The following FMN1 variants were observed in gnomAD, a reference collection of about 807,000 sequenced individuals.
FMN1 encodes the protein formin-1.
In FMN1, 110 loss-of-function variants were observed where a neutral mutation model predicts 132.4. That is an observed-to-expected ratio of 0.83 (90% CI 0.71 to 0.97). The LOEUF (loss-of-function observed/expected upper bound fraction) is 0.97, where lower values mean the gene tolerates loss of function less well. FMN1 is among the 50% of genes least tolerant of loss of function. The pLI is 0.00. For synonymous variants in FMN1, 722 were observed against 651.7 expected (o/e 1.11, Z -1.64); for missense variants, 1,792 against 1,705.3 (o/e 1.05, Z -0.90).
chr15:32,933,728 TAG>T (rs2061183337), intron 9 of FMN1, among the ~76,000 whole-genome samples: 1 of 152,188 alleles, frequency 6.6e-6, no homozygotes, highest in Admixed American at 6.5e-5. Flanking sequence ...TTTCTTTTGT[TAG>T]AGTTTTTGAC....
intron 7 of FMN1, among the ~76,000 whole-genome samples, chr15:32,978,926 T>C (rs2923053): frequency 0.53 from 80,288 of 152,036 alleles, 22,549 homozygotes; most frequent in East Asian, 0.77. Flanking sequence ...GTCAATTATA[T>C]AGAATTATCA....
intron 19 of FMN1, among the ~76,000 whole-genome samples, chr15:32,795,144 A>G (rs1459112269): frequency 6.6e-6 from 1 of 152,206 alleles, no homozygotes; most frequent in Non-Finnish European, 1.5e-5. Flanking sequence ...AGGCTGCAGT[A>G]AGCTATGATT....
intron 2 of FMN1, among the ~76,000 whole-genome samples, chr15:33,191,838 A>C (rs1463119738): frequency 6.6e-6 from 1 of 152,216 alleles, no homozygotes; most frequent in Non-Finnish European, 1.5e-5. Flanking sequence ...GCTGCAGGAG[A>C]ATACAATTCC....
intron 6 of FMN1, among the ~76,000 whole-genome samples, chr15:33,022,496 A>C (rs954655623): frequency 1.1e-4 from 17 of 152,262 alleles, no homozygotes; most frequent in Admixed American, 1.1e-3. Context: ...TTACTAAAAA[A>C]GTTAAAAGTG....
At chr15:32,951,169 A>AT (rs2061644418) in intron 9 of FMN1, among the ~76,000 whole-genome samples, 1 of 152,178 alleles carries the variant, frequency 6.6e-6, no homozygotes, top group Non-Finnish European at 1.5e-5. Flanking sequence ...ATGTTTATTT[A>AT]TTTATAGACT....
chr15:32,860,065 G>A (rs1013993156), intron 16 of FMN1, among the ~76,000 whole-genome samples: 1 of 148,268 alleles, frequency 6.7e-6, no homozygotes. Flanking sequence ...ATGAAAGGAG[G>A]AAAGAAAGGC....
At chr15:33,125,336 A>T (rs936778356) in intron 4 of FMN1, among the ~76,000 whole-genome samples, 11 of 152,218 alleles carry the variant, frequency 7.2e-5, no homozygotes, top group Non-Finnish European at 1.5e-5. Context: ...AGCAATCATC[A>T]TTTAGGAAAA....
intron 7 of FMN1, among the ~76,000 whole-genome samples, chr15:33,001,587 C>T: frequency 7.2e-6 from 1 of 139,682 alleles, no homozygotes; most frequent in South Asian, 2.5e-4. Context: ...CTCCCCCCAT[C>T]CTCCTCCTCC....
At chr15:32,782,462 AAG>A (rs1440824932) in intron 19 of FMN1, among the ~76,000 whole-genome samples, 1 of 152,208 alleles carries the variant, frequency 6.6e-6, no homozygotes, top group Non-Finnish European at 1.5e-5. Flanking sequence ...GGAAAAAGAA[AAG>A]ATACTCAAGG....
chr15:32,897,987 G>T (rs555353827), intron 15 of FMN1, among the ~76,000 whole-genome samples: 2 of 152,244 alleles, frequency 1.3e-5, no homozygotes, highest in Non-Finnish European at 2.9e-5. Context: ...TTGGGGGGCG[G>T]GGAAACGATG....
At chr15:32,783,980 TTCAG>T (rs1172957488) in intron 19 of FMN1, among the ~76,000 whole-genome samples, 1 of 152,134 alleles carries the variant, frequency 6.6e-6, no homozygotes, top group African/African-American at 2.4e-5. Flanking sequence ...TCTTTTGACA[TTCAG>T]TATTTCACTG....
At chr15:33,180,886 AT>A in intron 2 of FMN1, among the ~76,000 whole-genome samples, 1 of 151,662 alleles carries the variant, frequency 6.6e-6, no homozygotes, top group African/African-American at 2.4e-5. Flanking sequence ...AGTAGCTGGG[AT>A]TACAGGCCAA....
At chr15:32,832,053 G>A (rs1162234050) in intron 17 of FMN1, among the ~76,000 whole-genome samples, 1 of 152,112 alleles carries the variant, frequency 6.6e-6, no homozygotes, top group Non-Finnish European at 1.5e-5. Flanking sequence ...GAGTTCCTGT[G>A]ATCACTTATG....
chr15:32,915,769 A>G (rs1000567873), intron 10 of FMN1, among the ~76,000 whole-genome samples: 21 of 152,254 alleles, frequency 1.4e-4, no homozygotes, highest in African/African-American at 2.7e-4. Context: ...TGCTACTGCA[A>G]TATCAATCAC....
chr15:33,030,339 G>A (rs1596508414), intron 6 of FMN1, among the ~76,000 whole-genome samples: 3 of 152,338 alleles, frequency 2.0e-5, no homozygotes, highest in East Asian at 1.9e-4. Context: ...AGACCTGGTA[G>A]GTCAAGAGAT....
chr15:33,084,007 T>C (rs1481999984), intron 5 of FMN1, among the ~76,000 whole-genome samples: 1 of 152,162 alleles, frequency 6.6e-6, no homozygotes, highest in African/African-American at 2.4e-5. Context: ...TTTGCTTATA[T>C]GGTCTAAAAA....
intron 5 of FMN1, among the ~76,000 whole-genome samples, chr15:33,082,712 T>G (rs1234892773): frequency 6.6e-6 from 1 of 152,132 alleles, no homozygotes; most frequent in East Asian, 1.9e-4. Flanking sequence ...AACTGACTCT[T>G]CAGGCTAACT....
In FMN1 at chr15:32,785,218, ATTTT is replaced by A. The variant is rs1230723314; in HGVS notation, c.4131-8303_4131-8300del. On this transcript the variant is annotated intron_variant, in intron 19 of 20. Transcript: ENST00000616417. ...TGTGTGTGTATATATATATATATAT[ATTTT>A]TTTTTTTTTTTTTTTGTAGAGATGA... Among the ~76,000 whole-genome samples the A allele has an allele frequency of 1.9e-3, 74 of 39,210 alleles. 2 individuals carry two copies. The highest frequency in any genetic ancestry group is 4.5e-3 in the South Asian group (5 of 1,102). The allele number at this position is 39,210 out of a possible 152,430, so 25.7% of individuals were successfully genotyped here.
intron 7 of FMN1, among the ~76,000 whole-genome samples, chr15:32,975,935 C>G (rs1028369305): frequency 1.3e-5 from 2 of 152,142 alleles, no homozygotes; most frequent in Non-Finnish European, 2.9e-5. Flanking sequence ...AAGGAACACA[C>G]TGTACTAAAA....
Sources: allele counts gnomAD v4.1 joint callset (sites outside exome capture counted in the v4.1 genomes callset), GRCh38; gene constraint gnomAD v4.1.1; transcripts MANE v1.5; gene names NCBI Gene and HGNC (gene_info 2026-07-23, HGNC 2026-07-21).